The following LNPK variants were observed in gnomAD, a reference collection of about 807,000 sequenced individuals.
LNPK encodes the protein lunapark, ER junction formation factor, also known as endoplasmic reticulum junction formation protein lunapark.
A neutral mutation model predicts 55.2 loss-of-function variants in LNPK; 29 were observed. The observed-to-expected ratio is 0.53, with a 90% CI of 0.39 to 0.72. LNPK has a LOEUF of 0.72. Among genes scored for constraint, LNPK ranks in the 30% least tolerant of loss-of-function variants. The pLI is 0.00. For synonymous variants in LNPK, 162 were observed against 168.2 expected (o/e 0.96, Z 0.29); for missense variants, 467 against 494.8 (o/e 0.94, Z 0.53).
intron 9 of LNPK, among the ~76,000 whole-genome samples, chr2:175,940,109 T>C (rs563420105): frequency 6.6e-6 from 1 of 152,118 alleles, no homozygotes; most frequent in South Asian, 2.1e-4. Context: ...TTAAAGACAC[T>C]GGATATCAAG....
At chr2:175,943,294 T>G (rs1684951274) in intron 9 of LNPK, among the ~76,000 whole-genome samples, 1 of 151,008 alleles carries the variant, frequency 6.6e-6, no homozygotes, top group Non-Finnish European at 1.5e-5. Context: ...GTCATATCTT[T>G]AAAATTAAGG....
intron 4 of LNPK, among the ~76,000 whole-genome samples, chr2:175,986,310 TTC>T (rs1469321332): frequency 1.3e-5 from 2 of 152,166 alleles, no homozygotes; most frequent in African/African-American, 2.4e-5. Context: ...ATATTTAACA[TTC>T]TCTGAGAGCA....
rs1684712903 is a variant in LNPK at position 175,939,571 on chromosome 2, C to T, written c.793G>A (p.Gly265Ser). 2 of 1,590,256 alleles carry T rather than the reference C, an allele frequency of 1.3e-6. No individual in the cohort carries two copies. Among genetic ancestry groups the T allele is most frequent in the African/African-American group, 1.3e-5 (1 of 74,106 alleles). Residue 265 changes from glycine (G) to serine (S), a missense_variant, in exon 10 of 13, where the codon GGT becomes AGT. Gly to Ser is a moderately conservative substitution (Grantham distance 56). Transcript: ENST00000272748. ...TATTACCTGTTTTGTGGACCATCAC[C>T]AACCAAATATTCAACAATTCTATCC... Reference protein sequence around the residue: ...ALDRIVEYLVGDGPQNRYALI... With the variant: ...ALDRIVEYLVSDGPQNRYALI...
intron 1 of LNPK, among the ~76,000 whole-genome samples, chr2:176,000,075 T>G (rs980160700): frequency 6.6e-6 from 1 of 152,216 alleles, no homozygotes; most frequent in African/African-American, 2.4e-5. Flanking sequence ...CTAAATGTGC[T>G]TTTCAATGAA....
intron 2 of LNPK, among the ~76,000 whole-genome samples, chr2:175,995,011 T>G (rs1170471273): frequency 7.2e-6 from 1 of 138,362 alleles, no homozygotes; most frequent in East Asian, 2.3e-4. Context: ...AACCTCCACC[T>G]CCTGGGTTCA....
upstream of LNPK, chr2:176,002,530 G>A: frequency 4.9e-6 from 1 of 203,030 alleles, no homozygotes; most frequent in Non-Finnish European, 1.0e-5. Flanking sequence ...TGCCTCCTTT[G>A]CTTTTAAAGC....
Position 175,975,007 on chromosome 2 carries a change from CTTATTT to C in LNPK, c.317-4209_317-4204del, listed in dbSNP as rs1293725718. ...TCCAAAGGACTCTTGAAAAAGGTTT[CTTATTT>C]TTTTTTTTTTTTTTACTATCTTGCT... On this transcript the variant is annotated intron_variant, in intron 5 of 12. Transcript: ENST00000272748. 1.2e-3 allele frequency among the ~76,000 whole-genome samples: 153 copies of C among 123,548 alleles called. 1 individual carries two copies. The highest frequency in any genetic ancestry group is 4.3e-3 in the African/African-American group (143 of 33,172). The allele number at this position is 123,548 out of a possible 152,430, so 81.1% of individuals were successfully genotyped here.
intron 4 of LNPK, among the ~76,000 whole-genome samples, chr2:175,991,673 T>A (rs573397099): frequency 3.9e-5 from 6 of 152,310 alleles, no homozygotes; most frequent in Non-Finnish European, 7.4e-5. Flanking sequence ...ATCCAATGTC[T>A]AAACAACTGG....
At position 175,929,920 on chromosome 2, in the gene LNPK, A is replaced by G. The variant is rs1684181739; in HGVS notation, c.*47T>C. The G allele has an allele frequency of 6.2e-7, 1 of 1,604,340 alleles. No individual in the cohort carries two copies. Among genetic ancestry groups the G allele is most frequent in the East Asian group, 2.2e-5 (1 of 44,676 alleles). On this transcript the variant is annotated 3_prime_UTR_variant, in exon 13 of 13. Coordinates refer to ENST00000272748, the MANE Select transcript of LNPK (RefSeq NM_030650.3). ...TGCCACCGAAAAAGCAATAACTGACATCAGTAAGACTATAAATATCCAGTT... is the reference window on the plus strand; with the variant it reads ...TGCCACCGAAAAAGCAATAACTGACGTCAGTAAGACTATAAATATCCAGTT...
chr2:175,973,008 G>A (rs1378504422), intron 5 of LNPK, among the ~76,000 whole-genome samples: 2 of 152,126 alleles, frequency 1.3e-5, no homozygotes, highest in African/African-American at 4.8e-5. Flanking sequence ...ATTTGTGTGG[G>A]AATGGCAATC....
intron 12 of LNPK, among the ~76,000 whole-genome samples, chr2:175,932,879 T>G (rs571184018): frequency 6.6e-6 from 1 of 152,310 alleles, no homozygotes; most frequent in South Asian, 2.1e-4. Context: ...CGCAAGATGT[T>G]AATATTTGGG....
chr2:175,964,474 A>G (rs1686227996), intron 7 of LNPK, 32 bp downstream of exon 7: 2 of 1,582,856 alleles, frequency 1.3e-6, no homozygotes, highest in Non-Finnish European at 1.7e-6. Context: ...TGTGTAATTT[A>G]TAATAAAATA....
At chr2:175,946,342 C>A (rs934971088) in intron 9 of LNPK, among the ~76,000 whole-genome samples, 3 of 152,070 alleles carry the variant, frequency 2.0e-5, no homozygotes, top group Admixed American at 6.5e-5. Context: ...CAGATAACAA[C>A]AGAAACATTA....
At chr2:175,984,391 G>T (rs1187040214) in intron 4 of LNPK, among the ~76,000 whole-genome samples, 1 of 151,904 alleles carries the variant, frequency 6.6e-6, no homozygotes, top group Non-Finnish European at 1.5e-5. Flanking sequence ...GGTCAGGCTG[G>T]TCTTGAACTC....
chr2:175,958,801 C>T lies in LNPK; in HGVS notation c.493+5571G>A, dbSNP rs147912860. On this transcript the variant is annotated intron_variant, in intron 8 of 12. Transcript: ENST00000272748. ...GCTAAAGGAGGATGTTCGAACCCAT[C>T]GCAAGGAAGCTATAAACCTTGAAAA... Among the ~76,000 whole-genome samples the T allele has an allele frequency of 1.1e-3, 169 of 152,212 alleles. 1 individual carries two copies. Among genetic ancestry groups the T allele is most frequent in the African/African-American group, 3.7e-3 (153 of 41,546 alleles).
chr2:175,983,032 GATT>G (rs1280840253), intron 4 of LNPK, among the ~76,000 whole-genome samples: 1 of 152,180 alleles, frequency 6.6e-6, no homozygotes, highest in Non-Finnish European at 1.5e-5. Flanking sequence ...AAGCAATGGA[GATT>G]ATTACACAGG....
Position 176,002,189 on chromosome 2 carries a change from G to C in LNPK, c.-92C>G, listed in dbSNP as rs929080131. On this transcript the variant is annotated 5_prime_UTR_variant, in exon 1 of 13. Coordinates refer to ENST00000272748, the MANE Select transcript of LNPK (RefSeq NM_030650.3). ...AAGAAGCGGGCGCAGCCCGGCCCGG[G>C]CGTCCACCCCCGCCAGTCTCGGCCG... The C allele has an allele frequency of 1.1e-5, 5 of 445,280 alleles. No individual in the cohort carries two copies. The highest frequency in any genetic ancestry group is 2.4e-5 in the Admixed American group (1 of 41,618). The allele number at this position is 445,280 out of a possible 1,614,324, so 27.6% of individuals were successfully genotyped here.
intron 8 of LNPK, among the ~76,000 whole-genome samples, chr2:175,950,234 C>T (rs1298983165): frequency 2.0e-5 from 3 of 151,964 alleles, no homozygotes; most frequent in African/African-American, 7.2e-5. Flanking sequence ...AGCAAACAGA[C>T]CCATCACCAA....
At chr2:175,958,970 C>A (rs1303988367) in intron 8 of LNPK, among the ~76,000 whole-genome samples, 5 of 152,028 alleles carry the variant, frequency 3.3e-5, no homozygotes, top group Non-Finnish European at 1.5e-5. Flanking sequence ...GAAAGGGTAT[C>A]AGTGATTGAA....
Sources: gnomAD v4.1 joint callset for allele counts (sites outside exome capture counted in the v4.1 genomes callset) on GRCh38, gnomAD v4.1.1 for gene constraint, MANE v1.5 for transcripts, NCBI Gene and HGNC (gene_info 2026-07-23, HGNC 2026-07-21) for gene names.